Variants in LRBA observed in about 807,000 individuals in gnomAD.
LRBA encodes LPS responsive beige-like anchor protein.
LRBA carries 176 observed loss-of-function variants against 330.0 expected under a neutral mutation model. The ratio of observed to expected loss-of-function variants is 0.53; its 90% CI spans 0.47 to 0.60. The LOEUF (loss-of-function observed/expected upper bound fraction) is 0.60. Ranked by LOEUF, LRBA falls within the 20% of genes least tolerant of loss-of-function variation. LRBA has a pLI of 0.00. For missense variants in LRBA, 3,259 were observed against 3,444.8 expected (o/e 0.95, Z 1.35); for synonymous variants, 1,230 against 1,193.0 (o/e 1.03, Z -0.64).
chr4:150,369,703 C>T (rs182786300), intron 47 of LRBA, among the ~76,000 whole-genome samples: 20 of 151,842 alleles, frequency 1.3e-4, no homozygotes, highest in East Asian at 7.7e-4. Flanking sequence ...AAGTATTGTA[C>T]GTATATAAAA....
rs1482433868 is a variant in LRBA, at chr4:150,599,046, T to C, written c.6007A>G (p.Thr2003Ala). 2 of 1,614,022 alleles carry C rather than the reference T, an allele frequency of 1.2e-6. No individual in the cohort carries two copies. The highest frequency in any genetic ancestry group is 2.2e-5 in the South Asian group (2 of 91,068). The change falls in exon 38 of 57, where the codon ACA becomes GCA. Residue 2003 changes from threonine to alanine, a missense_variant. By Grantham distance (58) the Thr-to-Ala change is moderately conservative (BLOSUM62 0). Transcript: ENST00000651943. ...GTTTTTAGTGTCGCTTCAGGATGTG[T>C]CGATCCTAGAGGGTTACGCACAAAT... ...RRFVRNPLGS[T>A]HPEATLKTAV...
chr4:150,344,664 C>T (rs1736032719), intron 48 of LRBA, among the ~76,000 whole-genome samples: 1 of 152,180 alleles, frequency 6.6e-6, no homozygotes, highest in Admixed American at 6.5e-5. Context: ...TGGGCTCAAG[C>T]AATCCTCTCA....
chr4:150,663,011 T>C (rs984879884), intron 37 of LRBA, among the ~76,000 whole-genome samples: 1 of 151,812 alleles, frequency 6.6e-6, no homozygotes, highest in African/African-American at 2.4e-5. Flanking sequence ...CTACAGAAGA[T>C]AAAAGGGGTT....
chr4:150,676,640 AT>A (rs572828958), intron 37 of LRBA, among the ~76,000 whole-genome samples: 2 of 150,160 alleles, frequency 1.3e-5, no homozygotes, highest in African/African-American at 4.9e-5. Context: ...TCATATTGGG[AT>A]TTTTTTTTTA....
Position 150,831,890 on chromosome 4 carries a change from CA to C in LRBA, c.4655del (p.Leu1552TrpfsTer35). On this transcript the variant is annotated frameshift_variant, in exon 29 of 57. Coordinates refer to ENST00000651943, the MANE Select transcript of LRBA (RefSeq NM_001364905.1). LOFTEE classifies it high-confidence loss of function. ...VLMVSKYRDI[L>X]EPQNERHSQS... ...GGCTATGCCTTTCATTTTGGGGTTCCAAAATGTCTCTGTACTTGGAGACCAT... is the reference window on the plus strand; with the variant it reads ...GGCTATGCCTTTCATTTTGGGGTTCCAAATGTCTCTGTACTTGGAGACCAT... 1 of 1,604,110 alleles carries C rather than the reference CA, an allele frequency of 6.2e-7. No individual in the cohort carries two copies. Among genetic ancestry groups the C allele is most frequent in the Non-Finnish European group, 8.5e-7 (1 of 1,174,934 alleles).
chr4:150,597,047 T>C, intron 38 of LRBA: 1 of 1,091,446 alleles, frequency 9.2e-7, no homozygotes. Flanking sequence ...ATGACAATAA[T>C]CATAAAATTA....
chr4:150,858,298 AGTGTGT>A, intron 22 of LRBA, among the ~76,000 whole-genome samples: 1 of 152,118 alleles, frequency 6.6e-6, no homozygotes, highest in Non-Finnish European at 1.5e-5. Flanking sequence ...ATGAAGCTGT[AGTGTGT>A]TATATATAAT....
At chr4:150,391,165 A>G (rs1488636347) in intron 47 of LRBA, among the ~76,000 whole-genome samples, 2 of 152,208 alleles carry the variant, frequency 1.3e-5, no homozygotes, top group Non-Finnish European at 2.9e-5. Context: ...GCCTCTTTCC[A>G]AAGGGCTAAA....
chr4:150,447,814 T>C (rs770394484), intron 44 of LRBA, among the ~76,000 whole-genome samples: 1 of 152,232 alleles, frequency 6.6e-6, no homozygotes, highest in Non-Finnish European at 1.5e-5. Context: ...TTTTATAAAC[T>C]ACCTCATTCT....
chr4:150,335,637 T>C (rs1185547535), intron 48 of LRBA, among the ~76,000 whole-genome samples: 1 of 151,780 alleles, frequency 6.6e-6, no homozygotes, highest in Non-Finnish European at 1.5e-5. Context: ...TTACAGCATA[T>C]ATATTAAAGA....
chr4:150,687,150 C>T (rs1783695514), intron 36 of LRBA, among the ~76,000 whole-genome samples: 1 of 151,982 alleles, frequency 6.6e-6, no homozygotes, highest in Non-Finnish European at 1.5e-5. Flanking sequence ...ATATAATGAA[C>T]TTGTAATATT....
chr4:150,450,310 A>C (rs1753187237), intron 44 of LRBA, among the ~76,000 whole-genome samples: 1 of 152,204 alleles, frequency 6.6e-6, no homozygotes, highest in Admixed American at 6.5e-5. Flanking sequence ...AGGTGGCTTA[A>C]AACAATATAA....
At position 150,914,358 on chromosome 4, in the gene LRBA, A is replaced by G; in HGVS notation, c.1015-17T>C. The G allele has an allele frequency of 6.8e-7, 1 of 1,480,964 alleles. No homozygotes were observed. The highest frequency in any genetic ancestry group is 9.0e-7 in the Non-Finnish European group (1 of 1,110,632). The allele number at this position is 1,480,964 out of a possible 1,614,324, so 91.7% of individuals were successfully genotyped here. ...GTCAAAGGTCTGTAAAAGAAAAAAA[A>G]AAAGGAATTAGGAAAAAACAAAAAA... On this transcript the variant is annotated splice_polypyrimidine_tract_variant and intron_variant, in intron 8 of 56. Transcript: ENST00000651943.
chr4:150,409,184 A>T (rs1259022246), intron 47 of LRBA, among the ~76,000 whole-genome samples: 2 of 152,032 alleles, frequency 1.3e-5, no homozygotes, highest in Non-Finnish European at 2.9e-5. Context: ...ATGTGAAGAG[A>T]CACAAGGAGA....
At chr4:150,716,507 A>G (rs566118550) in intron 36 of LRBA, among the ~76,000 whole-genome samples, 32 of 152,234 alleles carry the variant, frequency 2.1e-4, no homozygotes, top group Non-Finnish European at 3.8e-4. Flanking sequence ...AATCCAACGA[A>G]GATAAACAGA....
At chr4:150,951,365 A>G (rs1348445565) in intron 2 of LRBA, among the ~76,000 whole-genome samples, 2 of 151,810 alleles carry the variant, frequency 1.3e-5, no homozygotes, top group African/African-American at 4.8e-5. Context: ...ACTCAACATC[A>G]TCTTTTTACA....
chr4:150,312,183 C>T (rs1731163871), intron 51 of LRBA, among the ~76,000 whole-genome samples: 1 of 152,070 alleles, frequency 6.6e-6, no homozygotes, highest in South Asian at 2.1e-4. Flanking sequence ...GATGCCCCCT[C>T]AGCACACACA....
chr4:150,438,199 G>A (rs1397927694), intron 44 of LRBA, among the ~76,000 whole-genome samples: 2 of 152,124 alleles, frequency 1.3e-5, no homozygotes, highest in African/African-American at 4.8e-5. Flanking sequence ...ATAAGATACA[G>A]AGGCCAGGTG....
At chr4:150,576,895 G>A (rs1770609373) in intron 40 of LRBA, among the ~76,000 whole-genome samples, 1 of 151,944 alleles carries the variant, frequency 6.6e-6, no homozygotes, top group East Asian at 1.9e-4. Flanking sequence ...CTGTTCAAAT[G>A]AGAACAATAC....
Sources: allele counts gnomAD v4.1 joint callset (sites outside exome capture counted in the v4.1 genomes callset), GRCh38; gene constraint gnomAD v4.1.1; transcripts MANE v1.5; gene names NCBI Gene and HGNC (gene_info 2026-07-23, HGNC 2026-07-21).